The following DNAAF5 variants were observed in gnomAD, a reference collection of about 807,000 sequenced individuals.
DNAAF5 encodes the protein HEAT repeat containing 2.
Under a neutral mutation model 75.8 loss-of-function variants are expected in DNAAF5, and 64 were observed. That is an observed-to-expected ratio of 0.84 (90% confidence interval 0.69 to 1.04). The LOEUF is 1.04. DNAAF5 is among the 50% of genes least tolerant of loss of function. The pLI is 0.00. For missense variants in DNAAF5, 1,269 were observed against 1,178.5 expected, an observed-to-expected ratio of 1.08 and a Z score of -1.12; for synonymous variants, 657 against 557.2, an observed-to-expected ratio of 1.18 and a Z score of -2.52.
In DNAAF5 at chr7:785,738, T is replaced by A; in HGVS notation, c.*85T>A. 1 of 1,502,332 alleles carries A rather than the reference T, an allele frequency of 6.7e-7. No homozygotes were observed. Among genetic ancestry groups the A allele is most frequent in the South Asian group, 1.2e-5 (1 of 81,774 alleles). 93.1% of individuals were successfully genotyped at this position (1,502,332 alleles called of 1,614,324 possible). The stretch of plus-strand genomic sequence containing the variant: ...TTAAATCTCATAAACAAGGCACCTC[T>A]GTGCCAGCAGTGAGACTGTGACAGC... On this transcript the variant is annotated 3_prime_UTR_variant, in exon 13 of 13. Transcript: ENST00000297440.
At position 754,866 on chromosome 7, in the gene DNAAF5, G is replaced by A. The variant is rs779807739; in HGVS notation, c.1257+45G>A. 2.8e-6 allele frequency: 4 copies of A among 1,413,276 alleles called. No individual in the cohort carries two copies. Among genetic ancestry groups the A allele is most frequent in the Non-Finnish European group, 3.9e-6 (4 of 1,030,270 alleles). 87.5% of individuals were successfully genotyped at this position (1,413,276 alleles called of 1,614,324 possible). Reference sequence around the variant, plus strand: ...TCGTGGTCGCGGAGCTGTAACTCGAGCTTAAGATCCCGCCTCTGTGGTGTG... The same window carrying A: ...TCGTGGTCGCGGAGCTGTAACTCGAACTTAAGATCCCGCCTCTGTGGTGTG... On this transcript the variant is annotated intron_variant, in intron 5 of 12. Coordinates refer to ENST00000297440, the MANE Select transcript of DNAAF5 (RefSeq NM_017802.4). The surrounding 1 kb of genome is among the most constrained non-coding windows in gnomAD (Gnocchi z 4.8).
At chr7:770,944 T>G (rs1329697969) in intron 9 of DNAAF5, 1 of 137,006 alleles carries the variant, frequency 7.3e-6, no homozygotes, top group Non-Finnish European at 1.4e-5. Flanking sequence ...AAGCAGCTAG[T>G]CCATCCTCAC....
In DNAAF5 at chr7:785,850, G is replaced by T; in HGVS notation, c.*197G>T. Reference sequence around the variant, plus strand: ...TTCTGCATGTTATGTGATTTGTTCTGTTCATCGAGAGGGCTCCCAAACATC... The same window carrying T: ...TTCTGCATGTTATGTGATTTGTTCTTTTCATCGAGAGGGCTCCCAAACATC... On this transcript the variant is annotated 3_prime_UTR_variant, in exon 13 of 13. Coordinates refer to ENST00000297440, the MANE Select transcript of DNAAF5 (RefSeq NM_017802.4). 1.7e-6 allele frequency: 1 copy of T among 600,168 alleles called. No individual in the cohort carries two copies. The highest frequency in any genetic ancestry group is 3.5e-5 in the Admixed American group (1 of 28,296). The allele number at this position is 600,168 out of a possible 1,614,324, so 37.2% of individuals were successfully genotyped here. A position where few individuals can be genotyped will look rare whatever the true frequency, so the allele number is the denominator to read the frequency against.
At chr7:775,343 G>C (rs1397507367) in intron 11 of DNAAF5, among the ~76,000 whole-genome samples, 181 bp downstream of exon 11, 1 of 152,058 alleles carries the variant, frequency 6.6e-6, no homozygotes, top group African/African-American at 2.4e-5. Flanking sequence ...CCAGGAATTT[G>C]AGACCAGCCT....
At chr7:762,596 G>A (rs1424575599) in intron 7 of DNAAF5, among the ~76,000 whole-genome samples, 3 of 152,052 alleles carry the variant, frequency 2.0e-5, no homozygotes, top group African/African-American at 7.2e-5. Context: ...CTCGCCCATG[G>A]GCTCCCTGTT....
intron 11 of DNAAF5, among the ~76,000 whole-genome samples, chr7:776,895 A>G (rs979081567): frequency 1.3e-5 from 2 of 152,182 alleles, no homozygotes; most frequent in African/African-American, 4.8e-5. Flanking sequence ...GCTGCTCCCC[A>G]TCTTTTGCAT....
chr7:780,579 C>T (rs930146000), intron 12 of DNAAF5, among the ~76,000 whole-genome samples: 1 of 152,200 alleles, frequency 6.6e-6, no homozygotes, highest in African/African-American at 2.4e-5. Flanking sequence ...GGCTGAAATA[C>T]GTGGAAAATA....
At chr7:733,515 T>C (rs907603947) in intron 2 of DNAAF5, among the ~76,000 whole-genome samples, 2 of 152,194 alleles carry the variant, frequency 1.3e-5, no homozygotes, top group Admixed American at 6.5e-5. Flanking sequence ...TTTCTTTTTT[T>C]TGAGACAGTC....
intron 4 of DNAAF5, among the ~76,000 whole-genome samples, chr7:750,081 C>A (rs1029806246): frequency 2.6e-5 from 4 of 152,216 alleles, no homozygotes; most frequent in Non-Finnish European, 5.9e-5. Flanking sequence ...GCGTTTGAGT[C>A]CATAAGGACC....
intron 4 of DNAAF5, among the ~76,000 whole-genome samples, chr7:746,942 C>T (rs1230586176): frequency 6.6e-6 from 1 of 152,178 alleles, no homozygotes; most frequent in Non-Finnish European, 1.5e-5. Context: ...CTCTCTGTGT[C>T]GGAGGCTCAT....
chr7:776,516 G>T (rs563924626), intron 11 of DNAAF5, among the ~76,000 whole-genome samples: 9 of 151,682 alleles, frequency 5.9e-5, no homozygotes, highest in Admixed American at 5.9e-4. Context: ...CGGCCGGGAA[G>T]GGGGACCTCA....
chr7:770,809 C>A, intron 9 of DNAAF5, 191 bp downstream of exon 9: 2 of 560,680 alleles, frequency 3.6e-6, no homozygotes, highest in Non-Finnish European at 6.3e-6. Flanking sequence ...ACCTCCCTCC[C>A]CCACGCCGAG....
Position 730,312 on chromosome 7 carries a change from T to G in DNAAF5, c.780+465T>G, listed in dbSNP as rs1415935180. On this transcript the variant is annotated intron_variant, in intron 2 of 12. Transcript: ENST00000297440. Reference sequence around the variant, plus strand: ...CAGGAGTCCTACAGATGGGGCTGAGTGTTGGCTTTACTGCTGGCAGAATCT... The same window carrying G: ...CAGGAGTCCTACAGATGGGGCTGAGGGTTGGCTTTACTGCTGGCAGAATCT... 2.0e-5 allele frequency among the ~76,000 whole-genome samples: 3 copies of G among 150,748 alleles called. No homozygotes were observed. In the East Asian group the frequency reaches 5.9e-4, roughly 29 times the overall value.
chr7:780,755 T>C (rs974441672), intron 12 of DNAAF5, among the ~76,000 whole-genome samples: 1 of 151,974 alleles, frequency 6.6e-6, no homozygotes, highest in African/African-American at 2.4e-5. Flanking sequence ...CCACAGAGCC[T>C]TCCACGCTCA....
At chr7:785,164 T>G (rs1301598886) in intron 12 of DNAAF5, among the ~76,000 whole-genome samples, 1 of 152,204 alleles carries the variant, frequency 6.6e-6, no homozygotes, top group Non-Finnish European at 1.5e-5. Context: ...ATCCACATTA[T>G]GATCGCTGGA....
intron 8 of DNAAF5, chr7:769,131 C>T (rs778319766): frequency 3.4e-5 from 26 of 767,016 alleles, no homozygotes; most frequent in South Asian, 2.6e-4. Flanking sequence ...CAGTCCACTA[C>T]CGAGCAGCCT....
chr7:751,389 C>G (rs1034599318), intron 4 of DNAAF5, among the ~76,000 whole-genome samples: 4 of 151,342 alleles, frequency 2.6e-5, no homozygotes, highest in African/African-American at 9.7e-5. Context: ...AATCTTAGCA[C>G]TTTGAGAGGC....
At chr7:767,238 C>CAAAA (rs936022330) in intron 8 of DNAAF5, among the ~76,000 whole-genome samples, 1 of 66,410 alleles carries the variant, frequency 1.5e-5, no homozygotes, top group African/African-American at 5.4e-5. Flanking sequence ...GACTCGGTCT[C>CAAAA]AAAAAAAAAA....
intron 9 of DNAAF5, chr7:772,683 G>A (rs1257726858): frequency 6.6e-6 from 1 of 152,306 alleles, no homozygotes; most frequent in African/African-American, 2.4e-5. Context: ...GGGTCCTGCA[G>A]GCCTGGCTGT....
Sources: gnomAD v4.1 joint callset for allele counts (sites outside exome capture counted in the v4.1 genomes callset) on GRCh38, gnomAD v4.1.1 for gene constraint, Gnocchi (gnomAD v3.1) non-coding constraint, MANE v1.5 for transcripts, NCBI Gene and HGNC (gene_info 2026-07-23, HGNC 2026-07-21) for gene names.